Variants in KCNIP4 observed in about 807,000 individuals in gnomAD.
KCNIP4 encodes potassium voltage-gated channel interacting protein 4, also known as Kv channel-interacting protein 4.
Under a neutral mutation model 34.0 loss-of-function variants are expected in KCNIP4, and 12 were observed. The ratio of observed to expected loss-of-function variants is 0.35; its 90% CI spans 0.23 to 0.57. The LOEUF is 0.57. Ranked by LOEUF, KCNIP4 falls within the 20% of genes least tolerant of loss-of-function variation. KCNIP4 has a pLI of 0.83. For missense variants in KCNIP4, 238 were observed against 311.7 expected (o/e 0.76, Z 1.78); for synonymous variants, 124 against 102.2 (o/e 1.21, Z -1.29).
chr4:20,812,722 TTCATGA>T (rs1433616315), intron 3 of KCNIP4, among the ~76,000 whole-genome samples: 7 of 152,128 alleles, frequency 4.6e-5, no homozygotes, highest in Non-Finnish European at 8.8e-5. Flanking sequence ...AAGTATTTGC[TTCATGA>T]TATATACATT....
intron 1 of KCNIP4, among the ~76,000 whole-genome samples, chr4:21,126,482 C>T (rs1397863079): frequency 6.6e-6 from 1 of 152,020 alleles, no homozygotes; most frequent in Admixed American, 6.6e-5. Context: ...TTCAAGGCAG[C>T]CCAACTCAAA....
chr4:21,728,475 T>C (rs1041291428), intron 1 of KCNIP4, among the ~76,000 whole-genome samples: 1 of 152,200 alleles, frequency 6.6e-6, no homozygotes, highest in Non-Finnish European at 1.5e-5. Context: ...GCCTCTTCAC[T>C]AGGTGTCTGC....
intron 1 of KCNIP4, among the ~76,000 whole-genome samples, chr4:21,855,381 T>G (rs924787190): frequency 1.3e-5 from 2 of 152,234 alleles, no homozygotes; most frequent in Non-Finnish European, 2.9e-5. Context: ...TGTTTTCCAG[T>G]GTCTAAACCG....
At chr4:21,464,338 T>C (rs1343585446) in intron 1 of KCNIP4, among the ~76,000 whole-genome samples, 1 of 152,030 alleles carries the variant, frequency 6.6e-6, no homozygotes, top group East Asian at 1.9e-4. Flanking sequence ...TTTGTAGTTA[T>C]AAATTTCTCT....
chr4:21,838,194 G>A (rs1469299365), intron 1 of KCNIP4, among the ~76,000 whole-genome samples: 1 of 152,130 alleles, frequency 6.6e-6, no homozygotes, highest in African/African-American at 2.4e-5. Context: ...AAAGAAGAGT[G>A]AAAACTCTTT....
chr4:20,773,377 G>A (rs541113248), intron 3 of KCNIP4, among the ~76,000 whole-genome samples: 3 of 152,192 alleles, frequency 2.0e-5, no homozygotes, highest in South Asian at 4.1e-4. Flanking sequence ...AAAGGAACCT[G>A]TGTCTAGTAC....
At chr4:21,182,575 C>T (rs1157477503) in intron 1 of KCNIP4, among the ~76,000 whole-genome samples, 1 of 151,860 alleles carries the variant, frequency 6.6e-6, no homozygotes, top group Admixed American at 6.6e-5. Flanking sequence ...GAATGGTGTA[C>T]ATTGTACCCA....
chr4:20,956,843 G>A lies in KCNIP4; in HGVS notation c.62-74134C>T, dbSNP rs116998677. Among the ~76,000 whole-genome samples, 400 of 152,212 alleles carry A rather than the reference G, an allele frequency of 2.6e-3. 10 individuals carry two copies. The East Asian group carries it at 0.073, about 28-fold the overall frequency. ...GGATAGCTTTTAATAGAACTGAATA[G>A]AATAATATGGTGAAAAGAACATGTA... On this transcript the variant is annotated intron_variant, in intron 1 of 8. Transcript: ENST00000382152.
intron 1 of KCNIP4, among the ~76,000 whole-genome samples, chr4:21,246,946 C>A (rs771372783): frequency 2.0e-5 from 3 of 151,778 alleles, no homozygotes; most frequent in Non-Finnish European, 4.4e-5. Flanking sequence ...TTTCTTTTTT[C>A]TTTTGTCTAA....
chr4:21,365,536 A>T (rs1402824912), intron 1 of KCNIP4, among the ~76,000 whole-genome samples: 22 of 22,362 alleles, frequency 9.8e-4, no homozygotes, highest in Non-Finnish European at 1.9e-3. Flanking sequence ...AAATAAAGAA[A>T]GAAAAGAAAA....
At chr4:20,913,652 C>T (rs1192941129) in intron 1 of KCNIP4, among the ~76,000 whole-genome samples, 2 of 152,168 alleles carry the variant, frequency 1.3e-5, no homozygotes, top group Non-Finnish European at 2.9e-5. Context: ...ACTACTGCAG[C>T]TCATAGTTCT....
At chr4:20,736,953 CAG>C (rs1336977050) in intron 5 of KCNIP4, among the ~76,000 whole-genome samples, 3 of 152,146 alleles carry the variant, frequency 2.0e-5, no homozygotes, top group African/African-American at 7.2e-5. Context: ...GGCATAAAGA[CAG>C]ATATATAGAA....
At chr4:21,055,013 A>T (rs1267696607) in intron 1 of KCNIP4, among the ~76,000 whole-genome samples, 2 of 152,198 alleles carry the variant, frequency 1.3e-5, no homozygotes, top group Admixed American at 6.5e-5. Context: ...TGTAAAAGAT[A>T]CATCTGACAA....
At chr4:21,136,867 TTCC>T (rs1048575158) in intron 1 of KCNIP4, among the ~76,000 whole-genome samples, 5 of 152,178 alleles carry the variant, frequency 3.3e-5, no homozygotes, top group African/African-American at 1.2e-4. Flanking sequence ...CTTGAGAATC[TTCC>T]TCATTTATTT....
intron 1 of KCNIP4, among the ~76,000 whole-genome samples, chr4:21,761,192 C>T (rs1443055414): frequency 2.6e-5 from 4 of 152,046 alleles, no homozygotes. Context: ...GCCTCAAACT[C>T]CTGAGTTCAA....
chr4:20,744,530 C>T (rs1370447894), intron 5 of KCNIP4, among the ~76,000 whole-genome samples: 2 of 151,998 alleles, frequency 1.3e-5, no homozygotes, highest in Admixed American at 1.3e-4. Context: ...GAAAACCAAA[C>T]ACCGCATGTT....
At chr4:21,551,596 G>A (rs1201352559) in intron 1 of KCNIP4, among the ~76,000 whole-genome samples, 2 of 152,098 alleles carry the variant, frequency 1.3e-5, no homozygotes, top group African/African-American at 2.4e-5. Context: ...TGGAAAGAAT[G>A]CAACTCTGCC....
chr4:20,882,444 TA>T (rs1724799158), intron 2 of KCNIP4, among the ~76,000 whole-genome samples, 163 bp downstream of exon 2: 1 of 152,178 alleles, frequency 6.6e-6, no homozygotes, highest in Non-Finnish European at 1.5e-5. Flanking sequence ...AAATGACTCC[TA>T]ATTGCCCAAA....
chr4:21,490,319 G>C (rs2109858254), intron 1 of KCNIP4, among the ~76,000 whole-genome samples: 1 of 152,196 alleles, frequency 6.6e-6, no homozygotes, highest in African/African-American at 2.4e-5. Flanking sequence ...ACTTGAATTT[G>C]ATAAGGGAGA....
Sources: allele counts gnomAD v4.1 joint callset (sites outside exome capture counted in the v4.1 genomes callset), GRCh38; gene constraint gnomAD v4.1.1; transcripts MANE v1.5; gene names NCBI Gene and HGNC (gene_info 2026-07-23, HGNC 2026-07-21).